FHL5: variants seen among roughly 807,000 people sequenced by gnomAD.
FHL5 encodes four and a half LIM domains protein 5.
A neutral mutation model predicts 32.0 loss-of-function variants in FHL5; 33 were observed. The ratio of observed to expected loss-of-function variants is 1.03; its 90% CI spans 0.78 to 1.38. The LOEUF (loss-of-function observed/expected upper bound fraction) is 1.38. Ranked by LOEUF, FHL5 falls within the 40% of genes most tolerant of loss-of-function variation. FHL5 has a pLI of 0.00. For missense variants in FHL5, 336 were observed against 343.9 expected (o/e 0.98, Z 0.18); for synonymous variants, 114 against 113.6 (o/e 1.00, Z -0.02).
chr6:96,581,080 T>C (rs1220924833), intron 1 of FHL5, among the ~76,000 whole-genome samples: 2 of 152,158 alleles, frequency 1.3e-5, no homozygotes, highest in Admixed American at 1.3e-4. Flanking sequence ...TTCAACATTA[T>C]ATAGGGTCAA....
chr6:96,564,139 AAACTAAAAAGAATTATT>A (rs1770304107), intron 1 of FHL5, among the ~76,000 whole-genome samples: 1 of 152,166 alleles, frequency 6.6e-6, no homozygotes, highest in African/African-American at 2.4e-5. Context: ...AGAAAATTGG[AAACTAAAAAGAATTATT>A]AACAAAATGC....
intron 1 of FHL5, among the ~76,000 whole-genome samples, chr6:96,595,262 C>G (rs1271705255): frequency 6.6e-6 from 1 of 151,680 alleles, no homozygotes; most frequent in East Asian, 1.9e-4. Flanking sequence ...CTAGAGTTTA[C>G]TTATTTTCTC....
In FHL5 at chr6:96,568,014, C is replaced by G. The variant is rs533075989; in HGVS notation, c.-13+4659C>G. Among the ~76,000 whole-genome samples, 219 of 151,736 alleles carry G rather than the reference C, an allele frequency of 1.4e-3. 1 individual carries two copies. The highest frequency in any genetic ancestry group is 2.1e-3 in the Non-Finnish European group (142 of 67,684). ...AGCCTAAGTGCTCTGCCTAGGGCTT[C>G]CAGTACTCTTTTGAATAAAAGTGAG... On this transcript the variant is annotated intron_variant, in intron 1 of 5. Transcript: ENST00000450218.
chr6:96,581,590 G>A (rs2983895), intron 1 of FHL5, among the ~76,000 whole-genome samples: 1,610 of 152,198 alleles, frequency 0.011, 30 homozygotes, highest in African/African-American at 0.037. Context: ...CTTCTTACTA[G>A]ATAAGCTTGC....
chr6:96,594,271 A>ATATATATT (rs1554176523), intron 1 of FHL5, among the ~76,000 whole-genome samples: 15 of 72,926 alleles, frequency 2.1e-4, no homozygotes, highest in African/African-American at 2.8e-4. Flanking sequence ...ATATATATAT[A>ATATATATT]TATGTATGTA....
At chr6:96,574,036 A>T (rs917215225) in intron 1 of FHL5, among the ~76,000 whole-genome samples, 3 of 148,990 alleles carry the variant, frequency 2.0e-5, no homozygotes, top group Admixed American at 1.3e-4. Context: ...GTTTCTACTT[A>T]AAAAAAAAAT....
intron 5 of FHL5, among the ~76,000 whole-genome samples, chr6:96,614,151 C>T (rs2127976395): frequency 6.6e-6 from 1 of 152,242 alleles, no homozygotes; most frequent in East Asian, 1.9e-4. Flanking sequence ...TTGTAAAATT[C>T]CGGAAGAATT....
At chr6:96,614,282 A>C (rs1427949240) in intron 5 of FHL5, among the ~76,000 whole-genome samples, 4 of 152,242 alleles carry the variant, frequency 2.6e-5, no homozygotes, top group Non-Finnish European at 5.9e-5. Context: ...TATATACAGA[A>C]CATTACTCTT....
At chr6:96,604,465 T>C (rs928962517) in intron 2 of FHL5, among the ~76,000 whole-genome samples, 8 of 152,128 alleles carry the variant, frequency 5.3e-5, no homozygotes, top group African/African-American at 1.7e-4. Flanking sequence ...AAAACCTCTA[T>C]TATAGTTTAT....
In FHL5 at chr6:96,618,497, T is replaced by G. The variant is rs754937148; in HGVS notation, c.*2725T>G. Among the ~76,000 whole-genome samples, 8 of 152,138 alleles carry G rather than the reference T, an allele frequency of 5.3e-5. No individual in the cohort carries two copies. Among genetic ancestry groups the G allele is most frequent in the Non-Finnish European group, 1.2e-4 (8 of 68,018 alleles). ...ACTGTTCATAAGTAAAGGAAGAAAA[T>G]AATTATTGTAGTGTTTGAGGAAAAT... On this transcript the variant is annotated 3_prime_UTR_variant, in exon 6 of 6. Transcript: ENST00000450218.
rs370999385 is a variant in FHL5 at position 96,563,219 on chromosome 6, G to C, written c.-149G>C. ...AAGTTGAAAAAGCTGCATGCAGTTG[G>C]AAGGGATCTTCAGATGGTGCTGGTG... On this transcript the variant is annotated 5_prime_UTR_variant, in exon 1 of 6. Coordinates refer to ENST00000450218, the MANE Select transcript of FHL5 (RefSeq NM_001322466.2). 7 of 152,254 alleles carry C rather than the reference G, an allele frequency of 4.6e-5. No individual in the cohort carries two copies. The highest frequency in any genetic ancestry group is 1.7e-4 in the African/African-American group (7 of 41,442). The allele number at this position is 152,254 out of a possible 1,614,324, so 9.4% of individuals were successfully genotyped here.
intron 1 of FHL5, among the ~76,000 whole-genome samples, chr6:96,577,462 C>T (rs1177900230): frequency 2.0e-5 from 3 of 152,020 alleles, no homozygotes; most frequent in Admixed American, 2.0e-4. Flanking sequence ...CAAATACACA[C>T]CCATACACCA....
chr6:96,567,072 C>T (rs915091530), intron 1 of FHL5, among the ~76,000 whole-genome samples: 3 of 151,928 alleles, frequency 2.0e-5, no homozygotes. Context: ...CACACCAATA[C>T]CCTGAAGTAT....
chr6:96,611,709 G>T (rs925680705), intron 5 of FHL5, among the ~76,000 whole-genome samples: 1 of 152,080 alleles, frequency 6.6e-6, no homozygotes, highest in African/African-American at 2.4e-5. Context: ...CAAAATAAAA[G>T]TTGAGTCTTC....
In FHL5 at chr6:96,609,910, G is replaced by T. The variant is rs190819025; in HGVS notation, c.505-662G>T. Among the ~76,000 whole-genome samples the T allele has an allele frequency of 5.9e-5, 9 of 152,284 alleles. No individual in the cohort carries two copies. The East Asian group carries it at 1.5e-3, about 26-fold the overall frequency. On this transcript the variant is annotated intron_variant, in intron 4 of 5. Coordinates refer to ENST00000450218, the MANE Select transcript of FHL5 (RefSeq NM_001322466.2). ...GAAAGATAATAGTCTGTAGTATGTAGAGGTGTTGAGAATATTCAGAAGAGA... is the reference window on the plus strand; with the variant it reads ...GAAAGATAATAGTCTGTAGTATGTATAGGTGTTGAGAATATTCAGAAGAGA...
chr6:96,577,941 C>T (rs1452160686), intron 1 of FHL5, among the ~76,000 whole-genome samples: 1 of 102,942 alleles, frequency 9.7e-6, no homozygotes, highest in Non-Finnish European at 2.1e-5. Context: ...CTTCTTCTTT[C>T]AAAAAAAAAA....
At chr6:96,602,398 AAAACCTGGAAATCTATATGCG>A (rs1281709682) in intron 1 of FHL5, among the ~76,000 whole-genome samples, 10 of 147,316 alleles carry the variant, frequency 6.8e-5, no homozygotes, top group Non-Finnish European at 1.5e-4. Flanking sequence ...ATGCCTAATT[AAAACCTGGAAATCTATATGCG>A]TTGTTTCTTT....
In FHL5 at chr6:96,615,840, G is replaced by A. The variant is rs1771509600; in HGVS notation, c.*68G>A. ...TCACTAAAGCCAGAACTCAGTTGCGGTCTTATTTTTGACTTAAGTTTTAGA... is the reference window on the plus strand; with the variant it reads ...TCACTAAAGCCAGAACTCAGTTGCGATCTTATTTTTGACTTAAGTTTTAGA... On this transcript the variant is annotated 3_prime_UTR_variant, in exon 6 of 6. Coordinates refer to ENST00000450218, the MANE Select transcript of FHL5 (RefSeq NM_001322466.2). 2 of 1,339,776 alleles carry A rather than the reference G, an allele frequency of 1.5e-6. No homozygotes were observed. Among genetic ancestry groups the A allele is most frequent in the Non-Finnish European group, 2.0e-6 (2 of 991,090 alleles). The allele number at this position is 1,339,776 out of a possible 1,614,324, so 83.0% of individuals were successfully genotyped here.
chr6:96,590,582 T>C (rs906681348), intron 1 of FHL5, among the ~76,000 whole-genome samples: 13 of 152,080 alleles, frequency 8.5e-5, no homozygotes. Flanking sequence ...CTTTTAACTC[T>C]TGTACTTTTT....
Sources: allele counts gnomAD v4.1 joint callset (sites outside exome capture counted in the v4.1 genomes callset), GRCh38; gene constraint gnomAD v4.1.1; transcripts MANE v1.5; gene names NCBI Gene and HGNC (gene_info 2026-07-23, HGNC 2026-07-21).